The following ASIC2 variants were observed in gnomAD, a reference collection of about 807,000 sequenced individuals.
ASIC2 encodes acid sensing ion channel subunit 2.
In ASIC2, 25 loss-of-function variants were observed where a neutral mutation model predicts 57.3. The observed-to-expected ratio is 0.44, with a 90% confidence interval of 0.32 to 0.61. The LOEUF (loss-of-function observed/expected upper bound fraction) is 0.61. Ranked by LOEUF, ASIC2 falls within the 20% of genes least tolerant of loss-of-function variation. The probability of loss-of-function intolerance (pLI) is 0.06; values close to 1 mark genes in which losing one functional copy is unlikely to be tolerated. For synonymous variants in ASIC2, 319 were observed against 307.5 expected (o/e 1.04, Z -0.39); for missense variants, 641 against 738.1 (o/e 0.87, Z 1.52).
At chr17:33,083,739 C>G (rs555404775) in intron 3 of ASIC2, among the ~76,000 whole-genome samples, 1 of 152,270 alleles carries the variant, frequency 6.6e-6, no homozygotes, top group Admixed American at 6.5e-5. Context: ...AGGGTCCATC[C>G]TAGTCAACCA....
intron 1 of ASIC2, among the ~76,000 whole-genome samples, chr17:34,087,192 C>T (rs892680076): frequency 1.3e-5 from 2 of 152,002 alleles, no homozygotes; most frequent in Non-Finnish European, 2.9e-5. Context: ...TGTTCCTTTC[C>T]ATGTTTAGTG....
chr17:33,900,647 C>T (rs1438385263), intron 1 of ASIC2, among the ~76,000 whole-genome samples: 1 of 152,110 alleles, frequency 6.6e-6, no homozygotes, highest in Non-Finnish European at 1.5e-5. Flanking sequence ...TATTTTAATA[C>T]AATTTTCTTA....
chr17:33,175,868 A>AAATATAAAT, intron 1 of ASIC2, among the ~76,000 whole-genome samples: 1 of 152,012 alleles, frequency 6.6e-6, no homozygotes, highest in East Asian at 1.9e-4. Context: ...AACCTTTCTA[A>AAATATAAAT]AATATAAATC....
intron 1 of ASIC2, among the ~76,000 whole-genome samples, chr17:33,554,946 GT>G (rs2141979546): frequency 6.6e-6 from 1 of 152,152 alleles, no homozygotes; most frequent in South Asian, 2.1e-4. Context: ...GAGGCTGAGG[GT>G]TTTAAATAAA....
chr17:33,486,814 C>T (rs1233263138), intron 1 of ASIC2, among the ~76,000 whole-genome samples: 1 of 152,186 alleles, frequency 6.6e-6, no homozygotes, highest in Non-Finnish European at 1.5e-5. Flanking sequence ...GGCCAGCTTT[C>T]CCCTCATTCA....
At chr17:33,411,138 G>A (rs2141964797) in intron 1 of ASIC2, among the ~76,000 whole-genome samples, 1 of 152,342 alleles carries the variant, frequency 6.6e-6, no homozygotes, top group African/African-American at 2.4e-5. Context: ...TCAAGTTGAT[G>A]CTACAGACCA....
intron 1 of ASIC2, among the ~76,000 whole-genome samples, chr17:34,103,371 C>G (rs1910935722): frequency 6.6e-6 from 1 of 152,088 alleles, no homozygotes; most frequent in South Asian, 2.1e-4. Context: ...CCAGGCTGGT[C>G]TCAAATTCCT....
At chr17:33,291,349 C>T (rs1205622520) in intron 1 of ASIC2, 59 bp downstream of exon 1, 6 of 1,534,364 alleles carry the variant, frequency 3.9e-6, no homozygotes, top group East Asian at 2.3e-5. Context: ...AACACCAGGC[C>T]TCCTGACTGC....
At chr17:33,667,333 C>G (rs145198353) in intron 1 of ASIC2, among the ~76,000 whole-genome samples, 2 of 152,162 alleles carry the variant, frequency 1.3e-5, no homozygotes, top group African/African-American at 4.8e-5. Context: ...AGGAAGACAG[C>G]GTGCACATGT....
chr17:33,522,608 C>T (rs912290461), intron 1 of ASIC2, among the ~76,000 whole-genome samples: 5 of 152,182 alleles, frequency 3.3e-5, no homozygotes, highest in East Asian at 1.9e-4. Flanking sequence ...AGTGAGAGGA[C>T]GCAGTAAAGA....
At chr17:33,017,962 G>T (rs980762525) in intron 7 of ASIC2, among the ~76,000 whole-genome samples, 10 of 152,200 alleles carry the variant, frequency 6.6e-5, no homozygotes, top group Non-Finnish European at 1.3e-4. Flanking sequence ...GGGGTTGTTT[G>T]GTTACACTCA....
chr17:33,054,027 T>C (rs1181462294), intron 3 of ASIC2, among the ~76,000 whole-genome samples: 1 of 152,054 alleles, frequency 6.6e-6, no homozygotes, highest in Non-Finnish European at 1.5e-5. Context: ...CTACCTTTGC[T>C]CTCCTGTATC....
In ASIC2 at chr17:33,281,270, G is replaced by C. The variant is rs192015249; in HGVS notation, c.708+10138C>G. On this transcript the variant is annotated intron_variant, in intron 1 of 9. Coordinates refer to ENST00000225823, the MANE Select transcript of ASIC2 (RefSeq NM_183377.2). ...AAAATGACATAATGTTTCTTGGCTA[G>C]AATTGTAACAATATACAGAAGGCCA... 3.8e-3 allele frequency among the ~76,000 whole-genome samples: 585 copies of C among 152,276 alleles called. 4 individuals carry two copies. The highest frequency in any genetic ancestry group is 6.2e-3 in the Non-Finnish European group (420 of 68,020).
At chr17:33,139,823 A>G (rs1252829789) in intron 1 of ASIC2, among the ~76,000 whole-genome samples, 1 of 152,192 alleles carries the variant, frequency 6.6e-6, no homozygotes, top group Admixed American at 6.5e-5. Flanking sequence ...GTGCAGAACT[A>G]GGAGGCAGGA....
chr17:33,335,616 C>A (rs898952765), intron 1 of ASIC2, among the ~76,000 whole-genome samples: 2 of 152,124 alleles, frequency 1.3e-5, no homozygotes, highest in Non-Finnish European at 2.9e-5. Context: ...ACAGGAGAAC[C>A]TACACTTGTG....
intron 1 of ASIC2, among the ~76,000 whole-genome samples, chr17:33,767,101 T>A (rs1271668642): frequency 6.6e-6 from 1 of 152,242 alleles, no homozygotes; most frequent in Non-Finnish European, 1.5e-5. Flanking sequence ...TCAGTGCATC[T>A]GCTCTGCTGA....
intron 1 of ASIC2, among the ~76,000 whole-genome samples, chr17:33,661,536 G>C (rs1907266868): frequency 6.6e-6 from 1 of 152,172 alleles, no homozygotes; most frequent in African/African-American, 2.4e-5. Flanking sequence ...AATGATTCTG[G>C]ACCTCGGTTT....
At chr17:33,464,457 C>A (rs1663081914) in intron 1 of ASIC2, among the ~76,000 whole-genome samples, 1 of 85,860 alleles carries the variant, frequency 1.2e-5, no homozygotes, top group Non-Finnish European at 2.4e-5. Context: ...GCCTCTTTTT[C>A]TCTTTCTTTC....
chr17:33,690,910 T>C (rs1015222183), intron 1 of ASIC2, among the ~76,000 whole-genome samples: 3 of 151,746 alleles, frequency 2.0e-5, no homozygotes, highest in East Asian at 3.9e-4. Context: ...CCACCACGCC[T>C]GGCTAATTTT....
Sources: gnomAD v4.1 joint callset for allele counts (sites outside exome capture counted in the v4.1 genomes callset) on GRCh38, gnomAD v4.1.1 for gene constraint, MANE v1.5 for transcripts, NCBI Gene and HGNC (gene_info 2026-07-23, HGNC 2026-07-21) for gene names.